Variants in ZNF438 observed in about 807,000 individuals in gnomAD.
ZNF438 encodes zinc finger protein 438.
In ZNF438, 25 loss-of-function variants were observed where a neutral mutation model predicts 38.0. The ratio of observed to expected loss-of-function variants is 0.66; its 90% CI spans 0.48 to 0.92. The LOEUF (loss-of-function observed/expected upper bound fraction) is 0.92. Among genes scored for constraint, ZNF438 ranks in the 40% least tolerant of loss-of-function variants. The probability of loss-of-function intolerance (pLI) is 0.00; values close to 1 mark genes in which losing one functional copy is unlikely to be tolerated. For missense variants in ZNF438, 1,007 were observed against 999.6 expected, an observed-to-expected ratio of 1.01 and a Z score of -0.10; for synonymous variants, 372 against 364.1, an observed-to-expected ratio of 1.02 and a Z score of -0.25.
intron 1 of ZNF438, among the ~76,000 whole-genome samples, chr10:30,963,589 T>C (rs558796972): frequency 6.6e-6 from 1 of 152,012 alleles, no homozygotes; most frequent in East Asian, 2.0e-4. Flanking sequence ...TATATGCCAA[T>C]GAGGCCAGGC....
chr10:30,849,363 C>T (rs778511486), exon 5 of ZNF438: 182 of 1,614,122 alleles, frequency 1.1e-4, no homozygotes, highest in Non-Finnish European at 1.5e-4. Context: ...ACTTGTGGAA[C>T]AGGTAGCCTG....
intron 4 of ZNF438, among the ~76,000 whole-genome samples, chr10:30,870,658 T>C (rs2037260610): frequency 6.6e-6 from 1 of 152,214 alleles, no homozygotes; most frequent in Non-Finnish European, 1.5e-5. Flanking sequence ...AAGTATCTTT[T>C]AACAGAAATA....
intron 1 of ZNF438, among the ~76,000 whole-genome samples, chr10:30,990,069 C>T (rs1017278053): frequency 6.6e-5 from 10 of 152,034 alleles, no homozygotes; most frequent in African/African-American, 2.4e-4. Context: ...GATGGTAATA[C>T]TTGAAATGAA....
chr10:30,902,548 C>T (rs953297388), intron 3 of ZNF438, among the ~76,000 whole-genome samples: 1 of 152,108 alleles, frequency 6.6e-6, no homozygotes, highest in African/African-American at 2.4e-5. Flanking sequence ...ACATAGAGTG[C>T]CGATTGGTGC....
At chr10:30,911,165 A>G (rs528962172) in intron 2 of ZNF438, among the ~76,000 whole-genome samples, 120 of 152,250 alleles carry the variant, frequency 7.9e-4, no homozygotes, top group Non-Finnish European at 1.6e-3. Context: ...AAAAAAATAT[A>G]AAGCAAAAAA....
At chr10:30,947,776 T>C (rs2047611030) in intron 1 of ZNF438, among the ~76,000 whole-genome samples, 1 of 151,994 alleles carries the variant, frequency 6.6e-6, no homozygotes, top group Non-Finnish European at 1.5e-5. Flanking sequence ...CGGGAGGGAG[T>C]AACCCGATTT....
intron 3 of ZNF438, among the ~76,000 whole-genome samples, chr10:30,890,095 A>G (rs930242510): frequency 7.3e-6 from 1 of 136,406 alleles, no homozygotes; most frequent in African/African-American, 2.6e-5. Flanking sequence ...AAAAAAAAAA[A>G]AAAAAAAAGA....
At chr10:31,020,950 T>C (rs1432452204) in intron 1 of ZNF438, among the ~76,000 whole-genome samples, 1 of 151,920 alleles carries the variant, frequency 6.6e-6, no homozygotes, top group Non-Finnish European at 1.5e-5. Flanking sequence ...TCACACATAG[T>C]TTTACCACTG....
chr10:30,932,453 T>C (rs74453085), intron 2 of ZNF438, among the ~76,000 whole-genome samples: 12,087 of 152,272 alleles, frequency 0.079, 577 homozygotes, highest in Non-Finnish European at 0.11. Flanking sequence ...AAGTGCTTTA[T>C]ATATGTTAAC....
chr10:30,988,055 T>C (rs1299935593), intron 1 of ZNF438, among the ~76,000 whole-genome samples: 2 of 152,192 alleles, frequency 1.3e-5, no homozygotes, highest in Non-Finnish European at 2.9e-5. Flanking sequence ...AAGATTTCCA[T>C]AATAGACACA....
chr10:30,968,521 A>T (rs1176296498), intron 1 of ZNF438, among the ~76,000 whole-genome samples: 2 of 128,424 alleles, frequency 1.6e-5, no homozygotes, highest in Non-Finnish European at 3.1e-5. Flanking sequence ...TCGGCTCACC[A>T]CAACCTCCAC....
chr10:31,023,975 C>T (rs2056779084), intron 1 of ZNF438, among the ~76,000 whole-genome samples: 1 of 152,204 alleles, frequency 6.6e-6, no homozygotes, highest in Non-Finnish European at 1.5e-5. Context: ...CCCTACCCAG[C>T]AAGTATGGTT....
intron 1 of ZNF438, among the ~76,000 whole-genome samples, chr10:30,956,523 T>C (rs1432636418): frequency 6.6e-6 from 1 of 152,206 alleles, no homozygotes; most frequent in Non-Finnish European, 1.5e-5. Context: ...CCTATGTGAC[T>C]GTAGGTTTGC....
At chr10:31,028,347 T>C (rs1182593215) in intron 1 of ZNF438, among the ~76,000 whole-genome samples, 1 of 152,134 alleles carries the variant, frequency 6.6e-6, no homozygotes, top group Non-Finnish European at 1.5e-5. Context: ...AACACTGAGG[T>C]AATAGAACTG....
intron 1 of ZNF438, among the ~76,000 whole-genome samples, chr10:31,017,398 G>C (rs1212067271): frequency 6.6e-6 from 1 of 152,170 alleles, no homozygotes; most frequent in African/African-American, 2.4e-5. Context: ...ACTTCCTGCT[G>C]GTGCAAATTT....
chr10:30,903,060 G>C (rs2042210699), intron 3 of ZNF438, among the ~76,000 whole-genome samples: 2 of 152,176 alleles, frequency 1.3e-5, no homozygotes, highest in South Asian at 4.1e-4. Context: ...CTCACTGCCT[G>C]GGCTGGCAGG....
chr10:30,868,071 G>T (rs1050013153), intron 4 of ZNF438, among the ~76,000 whole-genome samples: 3 of 105,770 alleles, frequency 2.8e-5, no homozygotes, highest in Non-Finnish European at 3.9e-5. Context: ...TGTTTTTAAA[G>T]AATTTTTTTT....
intron 4 of ZNF438, among the ~76,000 whole-genome samples, chr10:30,866,974 T>C (rs2036547505): frequency 6.6e-6 from 1 of 152,238 alleles, no homozygotes; most frequent in Non-Finnish European, 1.5e-5. Flanking sequence ...TAACGTTACA[T>C]GCGTGGATAA....
At chr10:30,844,911 A>G (rs768597200) in exon 6 of ZNF438, 22 of 1,573,554 alleles carry the variant, frequency 1.4e-5, no homozygotes, top group East Asian at 2.2e-5. Flanking sequence ...GAAGCTCTGA[A>G]GGAAGGTGGC....
Sources: gnomAD v4.1 joint callset for allele counts (sites outside exome capture counted in the v4.1 genomes callset) on GRCh38, gnomAD v4.1.1 for gene constraint, MANE v1.5 for transcripts, NCBI Gene and HGNC (gene_info 2026-07-23, HGNC 2026-07-21) for gene names.